GHRL: variants seen among roughly 807,000 people sequenced by gnomAD.
The protein encoded by GHRL is appetite-regulating hormone.
Under a neutral mutation model 16.9 loss-of-function variants are expected in GHRL, and 24 were observed. The observed-to-expected ratio is 1.42, with a 90% CI of 1.03 to 2.00. The LOEUF is 2.00. Among genes scored for constraint, GHRL ranks in the 30% most tolerant of loss-of-function variants. The probability of loss-of-function intolerance (pLI) is 0.00; values close to 1 mark genes in which losing one functional copy is unlikely to be tolerated. For missense variants in GHRL, 193 were observed against 142.1 expected (o/e 1.36, Z -1.82); for synonymous variants, 63 against 58.2 (o/e 1.08, Z -0.37).
At position 10,289,911 on chromosome 3, in the gene GHRL, A is replaced by G. The variant is rs375072688; in HGVS notation, c.109-33T>C. ...GGGGAAACAGTCTGTTTAGGACTCT[A>G]AGCCCCCATGTCCTTCCAGAAACAG... On this transcript the variant is annotated intron_variant, in intron 3 of 5. Transcript: ENST00000335542. 87 of 1,544,850 alleles carry G rather than the reference A, an allele frequency of 5.6e-5. No individual in the cohort carries two copies. In the African/African-American group the frequency reaches 1.0e-3, roughly 18 times the overall value.
At chr3:10,289,943 C>G (rs1173280845) in intron 3 of GHRL, 65 bp from the exon 4 acceptor site, 12 of 1,491,018 alleles carry the variant, frequency 8.0e-6, no homozygotes, top group Non-Finnish European at 1.1e-5. Context: ...ACAGTGAGGT[C>G]AGACCCAGAG....
At chr3:10,285,944 T>G (rs1183478545) in intron 5 of GHRL, 50 bp from the exon 6 acceptor site, 2 of 1,558,906 alleles carry the variant, frequency 1.3e-6, no homozygotes, top group Non-Finnish European at 1.8e-6. Context: ...GTCCTGCTAG[T>G]GCTTTTCTTC....
Position 10,289,805 on chromosome 3 carries a change from T to C in GHRL, c.182A>G (p.Asp61Gly). Reference sequence around the variant, plus strand: ...CTCTGCCCCTTCTGCTTGACCTCCATCTTCCGGGCGGAGCCAGCCTGCTAG... The same window carrying C: ...CTCTGCCCCTTCTGCTTGACCTCCACCTTCCGGGCGGAGCCAGCCTGCTAG... Reference protein sequence around the residue: ...RALAGWLRPEDGGQAEGAEDE... With the variant: ...RALAGWLRPEGGGQAEGAEDE... The change falls in exon 4 of 6, where the codon GAT becomes GGT. Residue 61 changes from aspartate to glycine, a missense_variant. By Grantham distance (94) the Asp-to-Gly change is moderately conservative. Transcript: ENST00000335542. 3 of 1,613,514 alleles carry C rather than the reference T, an allele frequency of 1.9e-6. No homozygotes were observed. Among genetic ancestry groups the C allele is most frequent in the Non-Finnish European group, 2.5e-6 (3 of 1,179,718 alleles).
rs1440352433 is a variant in GHRL, at chr3:10,291,078, C to G, written c.-392G>C. On this transcript the variant is annotated 5_prime_UTR_variant, in exon 2 of 6. Transcript: ENST00000335542. The stretch of plus-strand genomic sequence containing the variant: ...ACCTTAGCTTACTCGCCCTTTCTCC[C>G]TGGGTAAAATGAGGCTGTCATCACT... The G allele has an allele frequency of 1.0e-6, 1 of 985,596 alleles. No individual in the cohort carries two copies. Among genetic ancestry groups the G allele is most frequent in the Non-Finnish European group, 1.2e-6 (1 of 830,120 alleles). The allele number at this position is 985,596 out of a possible 1,614,324, so 61.1% of individuals were successfully genotyped here. A position where few individuals can be genotyped will look rare whatever the true frequency, so the allele number is the denominator to read the frequency against.
rs1559477013 is a variant in GHRL, at chr3:10,289,883, A to G, written c.109-5T>C. 1.2e-6 allele frequency: 2 copies of G among 1,606,468 alleles called. No individual in the cohort carries two copies. The highest frequency in any genetic ancestry group is 1.3e-5 in the African/African-American group (1 of 74,718). On this transcript the variant is annotated splice_polypyrimidine_tract_variant and splice_region_variant and intron_variant, in intron 3 of 5. Coordinates refer to ENST00000335542, the MANE Select transcript of GHRL (RefSeq NM_016362.5). Reference sequence around the variant, plus strand: ...CTTCTTCGACTCCTTTCTCTGCTGGAAGGGGGAAACAGTCTGTTTAGGACT... The same window carrying G: ...CTTCTTCGACTCCTTTCTCTGCTGGGAGGGGGAAACAGTCTGTTTAGGACT...
rs772281507 is a variant in GHRL, at chr3:10,289,847, T to G, written c.140A>C (p.Lys47Thr). The G allele has an allele frequency of 2.3e-5, 37 of 1,613,606 alleles. No homozygotes were observed. The highest frequency in any genetic ancestry group is 3.0e-5 in the Non-Finnish European group (35 of 1,179,836). The part of the protein sequence containing the change: ...QRKESKKPPA[K>T]LQPRALAGWL... ...GCCTGCTAGAGCTCGGGGCTGCAGC[T>G]TGGCTGGTGGCTTCTTCGACTCCTT... is the stretch of plus-strand genomic sequence containing the variant. Residue 47 changes from lysine (K) to threonine (T), a missense_variant, in exon 4 of 6, where the codon AAG (lysine) becomes ACG (threonine). Coordinates refer to ENST00000335542, the MANE Select transcript of GHRL (RefSeq NM_016362.5).
chr3:10,286,933 C>T (rs1182407825), intron 4 of GHRL, 121 bp from the exon 5 acceptor site: 2 of 633,740 alleles, frequency 3.2e-6, no homozygotes, highest in East Asian at 5.6e-5. Context: ...GCCTTTGGGC[C>T]CCAGCAGGGA....
At chr3:10,286,094 G>A (rs760722097) in intron 5 of GHRL, among the ~76,000 whole-genome samples, 200 bp from the exon 6 acceptor site, 6 of 152,218 alleles carry the variant, frequency 3.9e-5, no homozygotes, top group African/African-American at 4.8e-5. Context: ...TGGTTTCCTC[G>A]TTTGCACAGC....
At chr3:10,290,433 G>T in intron 2 of GHRL, 1 of 487,414 alleles carries the variant, frequency 2.1e-6, no homozygotes, top group Non-Finnish European at 3.7e-6. Context: ...GGACTTGATA[G>T]GGGCTGGGGG....
At chr3:10,292,348 T>C in intron 1 of GHRL, 1 of 163,206 alleles carries the variant, frequency 6.1e-6, no homozygotes, top group South Asian at 1.5e-4. Flanking sequence ...CTGAACAGGA[T>C]GGAATTGGGG....
At chr3:10,286,655 A>AT in intron 5 of GHRL, 49 bp downstream of exon 5, 1 of 965,112 alleles carries the variant, frequency 1.0e-6, no homozygotes, top group Non-Finnish European at 1.7e-6. Context: ...GTGAACTCCC[A>AT]TGTGGGGCTG....
At chr3:10,286,886 GCT>G in intron 4 of GHRL, 74 bp from the exon 5 acceptor site, 1 of 868,996 alleles carries the variant, frequency 1.2e-6, no homozygotes, top group Admixed American at 2.0e-5. Context: ...GGGGCTCTGG[GCT>G]CTCTGCCTCT....
intron 2 of GHRL, 70 bp from the exon 3 acceptor site, chr3:10,290,279 G>C (rs546885979): frequency 6.8e-7 from 1 of 1,472,158 alleles, no homozygotes; most frequent in Admixed American, 2.1e-5. Context: ...TCAGGTAGGA[G>C]CCCAGCAGAT....
chr3:10,291,202 G>A lies in GHRL; in HGVS notation c.-516C>T. On this transcript the variant is annotated 5_prime_UTR_variant, in exon 2 of 6. Transcript: ENST00000335542. ...AGCCCCGGGAGTCCGCAGGGAGCCA[G>A]GCTGGTGATTCTACACCTTCCCGAG... is the stretch of plus-strand genomic sequence containing the variant. 1 of 985,668 alleles carries A rather than the reference G, an allele frequency of 1.0e-6. No individual in the cohort carries two copies. The highest frequency in any genetic ancestry group is 1.2e-6 in the Non-Finnish European group (1 of 830,104). 61.1% of individuals were successfully genotyped at this position (985,668 alleles called of 1,614,324 possible).
chr3:10,291,006 GGGA>G lies in GHRL; in HGVS notation c.-323_-321del. 1.0e-6 allele frequency: 1 copy of G among 985,552 alleles called. No individual in the cohort carries two copies. Among genetic ancestry groups the G allele is most frequent in the Non-Finnish European group, 1.2e-6 (1 of 829,894 alleles). 61.1% of individuals were successfully genotyped at this position (985,552 alleles called of 1,614,324 possible). ...GGGCATGGCCCTGGTGGAGGAGGGA[GGGA>G]GGAGAGTGGCTCTGGGGTCTGGGTG... On this transcript the variant is annotated 5_prime_UTR_variant, in exon 2 of 6. Transcript: ENST00000335542.
At chr3:10,289,515 C>T (rs773325911) in intron 4 of GHRL, among the ~76,000 whole-genome samples, 2 of 152,240 alleles carry the variant, frequency 1.3e-5, no homozygotes, top group African/African-American at 2.4e-5. Flanking sequence ...GGCACCCTCT[C>T]TCCTCTGCCC....
intron 4 of GHRL, among the ~76,000 whole-genome samples, chr3:10,288,465 C>T (rs951813431): frequency 4.6e-5 from 7 of 152,228 alleles, no homozygotes; most frequent in Admixed American, 6.5e-5. Context: ...CCCCACCTTG[C>T]GTCGTCAGCC....
chr3:10,292,000 G>A (rs1700084582), intron 1 of GHRL: 1 of 152,294 alleles, frequency 6.6e-6, no homozygotes, highest in African/African-American at 2.4e-5. Flanking sequence ...ACATAAGAAG[G>A]TGGTTTGGGG....
rs548133605 is a variant in GHRL, at chr3:10,291,036, A to C, written c.-350T>G. The C allele has an allele frequency of 2.0e-6, 2 of 985,684 alleles. No individual in the cohort carries two copies. The highest frequency in any genetic ancestry group is 3.5e-5 in the African/African-American group (2 of 57,360). The allele number at this position is 985,684 out of a possible 1,614,324, so 61.1% of individuals were successfully genotyped here. ...GAGAGTGGCTCTGGGGTCTGGGTGC[A>C]GCTTTGTTGCTGTGTGACCTTAGCT... On this transcript the variant is annotated 5_prime_UTR_variant, in exon 2 of 6. Transcript: ENST00000335542.
Sources: allele counts gnomAD v4.1 joint callset (sites outside exome capture counted in the v4.1 genomes callset), GRCh38; gene constraint gnomAD v4.1.1; transcripts MANE v1.5; gene names NCBI Gene and HGNC (gene_info 2026-07-23, HGNC 2026-07-21).